The following ATP2B4 variants were observed in gnomAD, a reference collection of about 807,000 sequenced individuals.
ATP2B4 encodes the protein plasma membrane calcium-transporting ATPase 4.
Under a neutral mutation model 110.3 loss-of-function variants are expected in ATP2B4, and 39 were observed. The observed-to-expected ratio is 0.35, with a 90% CI of 0.27 to 0.46. The LOEUF is 0.46. Ranked by LOEUF, ATP2B4 falls within the 20% of genes least tolerant of loss-of-function variation. ATP2B4 has a pLI of 1.00. For missense variants in ATP2B4, 1,135 were observed against 1,530.9 expected, an observed-to-expected ratio of 0.74 and a Z score of 4.32; for synonymous variants, 538 against 571.7, an observed-to-expected ratio of 0.94 and a Z score of 0.84.
At chr1:203,669,135 G>C (rs888334741) in intron 1 of ATP2B4, among the ~76,000 whole-genome samples, 1 of 152,208 alleles carries the variant, frequency 6.6e-6, no homozygotes, top group Admixed American at 6.5e-5. Context: ...TTGAAGTGGT[G>C]TTTAAAGTGG....
rs1252105318 is a variant in ATP2B4, at chr1:203,720,686, C to T, written c.2544C>T (p.Leu848=). Residue 848 remains leucine (L), a synonymous_variant, in exon 16 of 21, where the codon CTC becomes CTT. Transcript: ENST00000357681. ...DSISKFLQFQ[L]TVNVVAVIVA... is the part of the protein sequence containing the mutation. ...TCTCCAAGTTCCTGCAGTTCCAGCT[C>T]ACTGTCAATGTGGTGGCCGTGATTG... 1.9e-6 allele frequency: 3 copies of T among 1,614,082 alleles called. No individual in the cohort carries two copies. Among genetic ancestry groups the T allele is most frequent in the Admixed American group, 1.7e-5 (1 of 60,022 alleles).
chr1:203,667,269 A>G (rs1664531394), intron 1 of ATP2B4, among the ~76,000 whole-genome samples: 1 of 152,094 alleles, frequency 6.6e-6, no homozygotes, highest in African/African-American at 2.4e-5. Context: ...CTTTTTTCCA[A>G]AGGGGGACAG....
At chr1:203,733,427 G>T (rs1459390604) in intron 20 of ATP2B4, 2 of 1,581,818 alleles carry the variant, frequency 1.3e-6, no homozygotes, top group Non-Finnish European at 1.7e-6. Flanking sequence ...TATGATGCAT[G>T]ATTTGCTAAA....
At chr1:203,684,644 G>A (rs1246648104) in intron 2 of ATP2B4, among the ~76,000 whole-genome samples, 2 of 151,426 alleles carry the variant, frequency 1.3e-5, no homozygotes, top group African/African-American at 4.9e-5. Flanking sequence ...GAGGCTTACA[G>A]GCATAAGCCA....
Position 203,714,370 on chromosome 1 carries a change from G to A in ATP2B4, c.2406+93G>A, listed in dbSNP as rs2102403971. 3.0e-6 allele frequency: 4 copies of A among 1,355,690 alleles called. No homozygotes were observed. The South Asian group carries it at 3.5e-5, about 12-fold the overall frequency. 84.0% of individuals were successfully genotyped at this position (1,355,690 alleles called of 1,614,324 possible). A position where few individuals can be genotyped will look rare whatever the true frequency, so the allele number is the denominator to read the frequency against. The stretch of plus-strand genomic sequence containing the variant: ...TGGTTGCCTGCTGCTTGCTACACCT[G>A]CATAGCCCATGGGGTGCTTTTTTGT... On this transcript the variant is annotated intron_variant, in intron 15 of 20. Coordinates refer to ENST00000357681, the MANE Select transcript of ATP2B4 (RefSeq NM_001684.5).
At chr1:203,672,298 T>C (rs1354340378) in intron 1 of ATP2B4, among the ~76,000 whole-genome samples, 1 of 150,322 alleles carries the variant, frequency 6.7e-6, no homozygotes. Context: ...TATCCTGTTT[T>C]TGTTCCTGAG....
chr1:203,646,496 G>C (rs545987421), intron 1 of ATP2B4, among the ~76,000 whole-genome samples: 1 of 152,292 alleles, frequency 6.6e-6, no homozygotes, highest in African/African-American at 2.4e-5. Context: ...AGGCACAGTG[G>C]CTCACGCCTG....
rs140289832 is a variant in ATP2B4 at position 203,683,210 on chromosome 1, C to A, written c.5C>A (p.Thr2Lys). The A allele has an allele frequency of 6.2e-7, 1 of 1,613,070 alleles. No individual in the cohort carries two copies. Among genetic ancestry groups the A allele is most frequent in the African/African-American group, 1.3e-5 (1 of 75,026 alleles). M[T>K]NPSDRVLPAN... Reference sequence around the variant, plus strand: ...GGCTTGGTAACAGCAGGCAAAATGACGAACCCATCAGACCGTGTCTTGCCT... The same window carrying A: ...GGCTTGGTAACAGCAGGCAAAATGAAGAACCCATCAGACCGTGTCTTGCCT... Residue 2 changes from threonine (T) to lysine (K), a missense_variant, in exon 2 of 21, where the codon ACG becomes AAG. Physicochemically the swap from Thr to Lys is moderately conservative, Grantham distance 78 (BLOSUM62 -1). Coordinates refer to ENST00000357681, the MANE Select transcript of ATP2B4 (RefSeq NM_001684.5).
chr1:203,703,710 C>A lies in ATP2B4; in HGVS notation c.996C>A (p.Ile332=). The part of the protein sequence containing the change: ...EIQPLNSQEG[I]DNEEKDKKAV... ...AGCCACTCAACAGCCAGGAGGGAAT[C>A]GACAATGAGGAAAAGGACAAGAAGG... The change falls in exon 8 of 21, where the codon ATC becomes ATA. Residue 332 remains isoleucine (I), a synonymous_variant. Coordinates refer to ENST00000357681, the MANE Select transcript of ATP2B4 (RefSeq NM_001684.5). The A allele has an allele frequency of 6.2e-7, 1 of 1,614,024 alleles. No homozygotes were observed. The highest frequency in any genetic ancestry group is 8.5e-7 in the Non-Finnish European group (1 of 1,179,976).
chr1:203,736,570 T>A (rs952830105), intron 20 of ATP2B4, among the ~76,000 whole-genome samples: 1 of 151,764 alleles, frequency 6.6e-6, no homozygotes, highest in Non-Finnish European at 1.5e-5. Flanking sequence ...TCATACCCAG[T>A]CTCCTGAGTC....
chr1:203,707,590 C>G (rs187368654), intron 9 of ATP2B4, among the ~76,000 whole-genome samples: 141 of 152,216 alleles, frequency 9.3e-4, no homozygotes, highest in Non-Finnish European at 1.8e-3. Flanking sequence ...ACCACCATGC[C>G]CAGTTACTTT....
chr1:203,671,619 C>T (rs1664664708), intron 1 of ATP2B4, among the ~76,000 whole-genome samples: 1 of 152,184 alleles, frequency 6.6e-6, no homozygotes, highest in African/African-American at 2.4e-5. Flanking sequence ...AAAACCTTTC[C>T]CACGTCTCTG....
chr1:203,630,281 A>G (rs1482386650), intron 1 of ATP2B4, among the ~76,000 whole-genome samples: 5 of 151,918 alleles, frequency 3.3e-5, no homozygotes, highest in Admixed American at 6.6e-5. Flanking sequence ...CAGCAGGTCA[A>G]GCCTTCCACC....
chr1:203,729,645 T>C (rs1210460675), intron 20 of ATP2B4: 3 of 1,079,280 alleles, frequency 2.8e-6, no homozygotes, highest in African/African-American at 3.2e-5. Flanking sequence ...CAGAGAAACA[T>C]TCCAGGGTGC....
chr1:203,673,956 C>T (rs1480269191), intron 1 of ATP2B4, among the ~76,000 whole-genome samples: 5 of 152,142 alleles, frequency 3.3e-5, no homozygotes, highest in Non-Finnish European at 5.9e-5. Flanking sequence ...ACCTAGGATC[C>T]GATCCAGCTG....
intron 1 of ATP2B4, among the ~76,000 whole-genome samples, chr1:203,633,713 G>GATAGATAA (rs141268237): frequency 2.1e-5 from 3 of 144,376 alleles, no homozygotes; most frequent in Non-Finnish European, 3.0e-5. Flanking sequence ...CTCCATATCA[G>GATAGATAA]ATAAATAAAT....
chr1:203,656,535 ACTTTT>A (rs1664169058), intron 1 of ATP2B4, among the ~76,000 whole-genome samples: 1 of 152,248 alleles, frequency 6.6e-6, no homozygotes, highest in East Asian at 1.9e-4. Context: ...CTTCTCACAT[ACTTTT>A]AGTGTAAACA....
Position 203,711,102 on chromosome 1 carries a change from C to T in ATP2B4, c.2025C>T (p.Arg675=). 1 of 1,614,036 alleles carries T rather than the reference C, an allele frequency of 6.2e-7. No homozygotes were observed. ...IAVVGIEDPV[R]PEVPDAIAKC... is the part of the protein sequence containing the mutation. Reference sequence around the variant, plus strand: ...TGGTGGGCATTGAGGACCCTGTGCGCCCAGAGGTGAGAGGGTGGGAAGCCA... The same window carrying T: ...TGGTGGGCATTGAGGACCCTGTGCGTCCAGAGGTGAGAGGGTGGGAAGCCA... Residue 675 remains arginine (R), a synonymous_variant, in exon 12 of 21, where the codon CGC becomes CGT. Coordinates refer to ENST00000357681, the MANE Select transcript of ATP2B4 (RefSeq NM_001684.5).
Position 203,704,350 on chromosome 1 carries a change from C to T in ATP2B4, c.1099+537C>T, listed in dbSNP as rs12404578. ...GCATATGAGGAAGTGGCTTCTCCAT[C>T]ACTTGCCTCTACATTTTCCTGTCTC... On this transcript the variant is annotated intron_variant, in intron 8 of 20. Transcript: ENST00000357681. Among the ~76,000 whole-genome samples, 1,290 of 151,964 alleles carry T rather than the reference C, an allele frequency of 8.5e-3. 20 individuals are homozygous for T. Among genetic ancestry groups the T allele is most frequent in the East Asian group, 0.039 (203 of 5,180 alleles).
Sources: allele counts gnomAD v4.1 joint callset (sites outside exome capture counted in the v4.1 genomes callset), GRCh38; gene constraint gnomAD v4.1.1; transcripts MANE v1.5; gene names NCBI Gene and HGNC (gene_info 2026-07-23, HGNC 2026-07-21).